METTL14: variants seen among roughly 807,000 people sequenced by gnomAD.
The protein encoded by METTL14 is methyltransferase 14, N6-adenosine-methyltransferase non-catalytic subunit.
METTL14 carries 32 observed loss-of-function variants against 62.4 expected under a neutral mutation model. The observed-to-expected ratio is 0.51, with a 90% confidence interval of 0.39 to 0.69. The LOEUF is 0.69. Among genes scored for constraint, METTL14 ranks in the 30% least tolerant of loss-of-function variants. The pLI is 0.00. For missense variants in METTL14, 340 were observed against 551.9 expected, an observed-to-expected ratio of 0.62 and a Z score of 3.85; for synonymous variants, 150 against 180.0, an observed-to-expected ratio of 0.83 and a Z score of 1.34.
chr4:118,710,471 G>C lies in METTL14; in HGVS notation c.*169G>C, dbSNP rs1282279378. 2 of 653,186 alleles carry C rather than the reference G, an allele frequency of 3.1e-6. No homozygotes were observed. The highest frequency in any genetic ancestry group is 6.2e-5 in the Admixed American group (2 of 32,030). 40.5% of individuals were successfully genotyped at this position (653,186 alleles called of 1,614,324 possible). A position where few individuals can be genotyped will look rare whatever the true frequency, so the allele number is the denominator to read the frequency against. On this transcript the variant is annotated 3_prime_UTR_variant, in exon 11 of 11. Coordinates refer to ENST00000388822, the MANE Select transcript of METTL14 (RefSeq NM_020961.4). The stretch of plus-strand genomic sequence containing the variant: ...CTTGCTTGCAGTTGTCACACACACT[G>C]TCTGGTTTTTTTCAGGATAAATGAA...
At chr4:118,703,832 G>T in intron 8 of METTL14, 103 bp from the exon 9 acceptor site, 1 of 622,562 alleles carries the variant, frequency 1.6e-6, no homozygotes. Context: ...GGAATATAGT[G>T]TCTGAAACCT....
intron 6 of METTL14, among the ~76,000 whole-genome samples, chr4:118,696,080 C>G (rs1325511740): frequency 8.2e-6 from 1 of 121,880 alleles, no homozygotes; most frequent in Non-Finnish European, 1.6e-5. Context: ...GATTGTGCCA[C>G]TGCACTCCAG....
At chr4:118,694,403 A>T in intron 5 of METTL14, 33 bp from the exon 6 acceptor site, 2 of 1,557,826 alleles carry the variant, frequency 1.3e-6, no homozygotes, top group Non-Finnish European at 1.8e-6. Flanking sequence ...TTCAGTTGAG[A>T]TGAATTCAGA....
At chr4:118,689,947 A>C (rs1724194260) in intron 3 of METTL14, among the ~76,000 whole-genome samples, 1 of 147,194 alleles carries the variant, frequency 6.8e-6, no homozygotes, top group African/African-American at 2.5e-5. Context: ...CAGTTTTCTT[A>C]TCTTAATGCA....
intron 10 of METTL14, among the ~76,000 whole-genome samples, 192 bp from the exon 11 acceptor site, chr4:118,709,806 G>A (rs541735832): frequency 3.7e-4 from 56 of 152,238 alleles, no homozygotes; most frequent in Non-Finnish European, 7.3e-5. Flanking sequence ...AATCTAGGAG[G>A]AGAAACAAGA....
chr4:118,690,035 C>CT (rs70941200), intron 3 of METTL14, among the ~76,000 whole-genome samples: 4,445 of 86,424 alleles, frequency 0.051, 385 homozygotes, highest in Non-Finnish European at 0.061. Flanking sequence ...TAATAATATT[C>CT]TTTTTTTTTT....
chr4:118,705,805 T>A lies in METTL14; in HGVS notation c.1050T>A (p.Asp350Glu). The change falls in exon 10 of 11, where the codon GAT becomes GAA. Residue 350 changes from aspartate to glutamate, a missense_variant. Asp to Glu is a conservative substitution (Grantham distance 45). Around this residue, in one of 7 missense-constraint regions of METTL14, gnomAD observed 62 missense variants for 82.3 expected, o/e 0.75. Coordinates refer to ENST00000388822, the MANE Select transcript of METTL14 (RefSeq NM_020961.4). ...GRRRLHLFGR[D>E]STIRPGWLTV... ...GACGCCTTCATCTATTTGGAAGAGA[T>A]AGTACAATTCGACCAGGTAGGACCT... 1 of 1,613,562 alleles carries A rather than the reference T, an allele frequency of 6.2e-7. No homozygotes were observed. Among genetic ancestry groups the A allele is most frequent in the Non-Finnish European group, 8.5e-7 (1 of 1,179,722 alleles).
chr4:118,708,046 G>A (rs749128140), intron 10 of METTL14, among the ~76,000 whole-genome samples: 7 of 151,954 alleles, frequency 4.6e-5, no homozygotes, highest in Non-Finnish European at 8.8e-5. Flanking sequence ...AGCTGGTCTC[G>A]AACTCCTGAC....
At chr4:118,708,610 C>CA (rs1171371753) in intron 10 of METTL14, among the ~76,000 whole-genome samples, 2 of 151,876 alleles carry the variant, frequency 1.3e-5, no homozygotes, top group East Asian at 3.8e-4. Context: ...TTTTAAAAAA[C>CA]AATGAACTAA....
Position 118,689,261 on chromosome 4 carries a change from T to G in METTL14, c.156-109T>G, listed in dbSNP as rs1278647867. 1.3e-5 allele frequency: 7 copies of G among 532,278 alleles called. No homozygotes were observed. In the African/African-American group the frequency reaches 1.4e-4, roughly 10 times the overall value. The allele number at this position is 532,278 out of a possible 1,614,324, so 33.0% of individuals were successfully genotyped here. On this transcript the variant is annotated intron_variant, in intron 2 of 10. Transcript: ENST00000388822. Reference sequence around the variant, plus strand: ...AACTGCGTAGATAGATATTCTTTAATCAGGAAAAATTTGTCTTGTTCTGTT... The same window carrying G: ...AACTGCGTAGATAGATATTCTTTAAGCAGGAAAAATTTGTCTTGTTCTGTT...
intron 9 of METTL14, among the ~76,000 whole-genome samples, chr4:118,704,813 A>G (rs534019043): frequency 1.8e-4 from 27 of 152,282 alleles, no homozygotes; most frequent in Non-Finnish European, 3.8e-4. Flanking sequence ...GAGCTGTTCT[A>G]GCAAATGATC....
chr4:118,697,435 A>G (rs1319282636), intron 7 of METTL14, 112 bp downstream of exon 7: 1 of 915,168 alleles, frequency 1.1e-6, no homozygotes, highest in East Asian at 2.8e-5. Context: ...GGGATTATAA[A>G]TGTAGATTTA....
chr4:118,687,855 C>T, intron 1 of METTL14, 68 bp from the exon 2 acceptor site: 1 of 1,260,434 alleles, frequency 7.9e-7, no homozygotes, highest in South Asian at 1.3e-5. Flanking sequence ...GTATTAAATG[C>T]TGCTACAAAT....
chr4:118,691,524 T>C lies in METTL14; in HGVS notation c.244-8T>C. ...GTAAAATATTTACTTAATCTTATGTTTTTCAAGGATGAACTAGAAATGCAA... is the reference window on the plus strand; with the variant it reads ...GTAAAATATTTACTTAATCTTATGTCTTTCAAGGATGAACTAGAAATGCAA... On this transcript the variant is annotated splice_polypyrimidine_tract_variant and splice_region_variant and intron_variant, in intron 3 of 10. Transcript: ENST00000388822. The C allele has an allele frequency of 6.6e-7, 1 of 1,510,406 alleles. No homozygotes were observed. The highest frequency in any genetic ancestry group is 9.0e-7 in the Non-Finnish European group (1 of 1,113,150). The allele number at this position is 1,510,406 out of a possible 1,614,324, so 93.6% of individuals were successfully genotyped here. A position where few individuals can be genotyped will look rare whatever the true frequency, so the allele number is the denominator to read the frequency against.
intron 9 of METTL14, 42 bp from the exon 10 acceptor site, chr4:118,705,569 T>C: frequency 6.7e-7 from 1 of 1,492,000 alleles, no homozygotes; most frequent in Non-Finnish European, 9.3e-7. Context: ...TTGGAATGAC[T>C]GTTGATGAAA....
In METTL14 at chr4:118,713,732, ATAG is replaced by A. The variant is rs1560887890; in HGVS notation, c.*3432_*3434del. 1 of 151,828 alleles carries A rather than the reference ATAG, an allele frequency of 6.6e-6. No homozygotes were observed. The highest frequency in any genetic ancestry group is 1.5e-5 in the Non-Finnish European group (1 of 68,022). 9.4% of individuals were successfully genotyped at this position (151,828 alleles called of 1,614,324 possible). A position where few individuals can be genotyped will look rare whatever the true frequency, so the allele number is the denominator to read the frequency against. ...GAGGCTGAACTTTTCTTGTGTATAT[ATAG>A]TTAGTTTTGAGGCCATAAATCTAGG... is the stretch of plus-strand genomic sequence containing the variant. On this transcript the variant is annotated 3_prime_UTR_variant, in exon 11 of 11. Transcript: ENST00000388822.
intron 7 of METTL14, among the ~76,000 whole-genome samples, chr4:118,699,699 ATAAAC>A (rs1417023688): frequency 2.0e-5 from 3 of 152,220 alleles, no homozygotes; most frequent in Non-Finnish European, 4.4e-5. Context: ...ATTATATGTG[ATAAAC>A]TAATACAGTT....
At chr4:118,686,448 C>A in intron 1 of METTL14, 1 of 385,304 alleles carries the variant, frequency 2.6e-6, no homozygotes, top group South Asian at 2.0e-5. Context: ...GAGCAATGCT[C>A]ATAGAGTGTA....
intron 8 of METTL14, 123 bp from the exon 9 acceptor site, chr4:118,703,812 T>G: frequency 1.8e-6 from 1 of 566,378 alleles, no homozygotes; most frequent in African/African-American, 2.0e-5. Context: ...CAAAATTACC[T>G]TGAAACCTTG....
Sources: allele counts gnomAD v4.1 joint callset (sites outside exome capture counted in the v4.1 genomes callset), GRCh38; gene constraint gnomAD v4.1.1; regional missense constraint gnomAD v4.1.1; transcripts MANE v1.5; gene names NCBI Gene and HGNC (gene_info 2026-07-23, HGNC 2026-07-21).